Variants in GRIP1 observed in about 807,000 individuals in gnomAD.
The protein encoded by GRIP1 is glutamate receptor-interacting protein 1.
A neutral mutation model predicts 129.9 loss-of-function variants in GRIP1; 45 were observed. The ratio of observed to expected loss-of-function variants is 0.35; its 90% CI spans 0.27 to 0.44. The LOEUF (loss-of-function observed/expected upper bound fraction) is 0.44. Ranked by LOEUF, GRIP1 falls within the 20% of genes least tolerant of loss-of-function variation. The pLI is 1.00. For missense variants in GRIP1, 1,196 were observed against 1,396.8 expected, an observed-to-expected ratio of 0.86 and a Z score of 2.29; for synonymous variants, 530 against 520.8, an observed-to-expected ratio of 1.02 and a Z score of -0.24.
At chr12:66,351,385 C>A (rs955096143) in intron 24 of GRIP1, among the ~76,000 whole-genome samples, 1 of 152,146 alleles carries the variant, frequency 6.6e-6, no homozygotes, top group African/African-American at 2.4e-5. Context: ...TACCTGACCT[C>A]AATGTTACTA....
chr12:66,544,179 T>A (rs1273668896), intron 2 of GRIP1, among the ~76,000 whole-genome samples: 1 of 152,242 alleles, frequency 6.6e-6, no homozygotes, highest in Non-Finnish European at 1.5e-5. Context: ...CTTTTTCAAC[T>A]GATACTTGTC....
intron 1 of GRIP1, among the ~76,000 whole-genome samples, chr12:66,659,816 T>C (rs1384423191): frequency 1.3e-5 from 2 of 152,178 alleles, no homozygotes; most frequent in African/African-American, 2.4e-5. Context: ...CTTGTTGCCA[T>C]GCAATTCTCT....
intron 1 of GRIP1, among the ~76,000 whole-genome samples, chr12:66,909,352 CAG>C (rs556555537): frequency 3.9e-4 from 59 of 152,286 alleles, no homozygotes; most frequent in Middle Eastern, 6.8e-3. Context: ...GCAGGTGGAG[CAG>C]AGAGCTTGGG....
At chr12:66,442,909 A>C (rs1254512816) in intron 13 of GRIP1, among the ~76,000 whole-genome samples, 1 of 152,160 alleles carries the variant, frequency 6.6e-6, no homozygotes, top group East Asian at 1.9e-4. Flanking sequence ...GCTTTTTAAA[A>C]AATATAAGCT....
Position 66,541,881 on chromosome 12 carries a change from G to T in GRIP1, c.206C>A (p.Ser69Ter). 2 of 1,613,736 alleles carry T rather than the reference G, an allele frequency of 1.2e-6. No homozygotes were observed. Among genetic ancestry groups the T allele is most frequent in the Non-Finnish European group, 1.7e-6 (2 of 1,179,692 alleles). Residue 69 changes from serine to a stop codon, truncating the protein, a stop_gained, in exon 3 of 25, where the codon TCG (serine) becomes TAG (stop). Coordinates refer to ENST00000359742, the MANE Select transcript of GRIP1 (RefSeq NM_001366722.1). LOFTEE classifies it high-confidence loss of function. ...CTTGCCATCCTTATCAATTCCTCCC[G>T]ATACCGTCAGACCCAGGGTAGTGCC... The part of the protein sequence containing the change: ...KEGTTLGLTV[S>*]GGIDKDGKPR...
chr12:66,756,563 T>C (rs2037294896), intron 1 of GRIP1, among the ~76,000 whole-genome samples: 1 of 152,206 alleles, frequency 6.6e-6, no homozygotes. Flanking sequence ...AACACCTGGT[T>C]CTCACTTCAT....
In GRIP1 at chr12:66,349,210, G is replaced by A; in HGVS notation, c.3196C>T (p.Leu1066Phe). ...GATTCTGCTATGAGGGGCACAACAA[G>A]GCAGCAGTCAAAGTCTCTGGTTCGG... Reference protein sequence around the residue: ...HVRTRDFDCCLVVPLIAESGN... With the variant: ...HVRTRDFDCCFVVPLIAESGN... Residue 1066 changes from leucine to phenylalanine, a missense_variant, in exon 25 of 25, where the codon CTT becomes TTT. Around this residue, in one of 5 missense-constraint regions of GRIP1, gnomAD observed 427 missense variants for 463.3 expected, o/e 0.92. Transcript: ENST00000359742. 5.0e-6 allele frequency: 8 copies of A among 1,614,060 alleles called. No individual in the cohort carries two copies. The highest frequency in any genetic ancestry group is 1.1e-5 in the South Asian group (1 of 91,086).
At chr12:66,424,817 C>A (rs1223749491) in intron 14 of GRIP1, among the ~76,000 whole-genome samples, 1 of 152,184 alleles carries the variant, frequency 6.6e-6, no homozygotes, top group Non-Finnish European at 1.5e-5. Context: ...AATCTTCTCT[C>A]AATGTGTCAA....
At position 66,476,837 on chromosome 12, in the gene GRIP1, C is replaced by G. The variant is rs148664411; in HGVS notation, c.725-11415G>C. ...TGACAATATTCAACAGCCCTTCATG[C>G]TAAAAACTCTCAACAAATTAGGTAT... On this transcript the variant is annotated intron_variant, in intron 7 of 24. Coordinates refer to ENST00000359742, the MANE Select transcript of GRIP1 (RefSeq NM_001366722.1). 9.6e-3 allele frequency among the ~76,000 whole-genome samples: 1,459 copies of G among 152,262 alleles called. 26 individuals are homozygous for G. The highest frequency in any genetic ancestry group is 0.032 in the African/African-American group (1,345 of 41,554).
intron 1 of GRIP1, among the ~76,000 whole-genome samples, chr12:66,654,755 G>A (rs867029807): frequency 3.9e-5 from 6 of 152,102 alleles, no homozygotes; most frequent in East Asian, 1.9e-4. Context: ...GGATGTCTGC[G>A]CCATTATGTA....
chr12:66,831,250 C>G (rs1592886669), intron 1 of GRIP1, among the ~76,000 whole-genome samples: 1 of 152,138 alleles, frequency 6.6e-6, no homozygotes, highest in Admixed American at 6.6e-5. Context: ...CAATAAGCTG[C>G]TGTTTTAACT....
At chr12:66,523,907 C>T (rs891338655) in intron 5 of GRIP1, among the ~76,000 whole-genome samples, 5 of 152,086 alleles carry the variant, frequency 3.3e-5, no homozygotes, top group African/African-American at 7.2e-5. Context: ...GACTTTAAAC[C>T]AACAAAGATC....
chr12:66,572,830 T>C (rs2063008938), intron 2 of GRIP1, among the ~76,000 whole-genome samples: 1 of 152,154 alleles, frequency 6.6e-6, no homozygotes, highest in African/African-American at 2.4e-5. Flanking sequence ...TTAAAAACTT[T>C]ATATGCAGTA....
intron 19 of GRIP1, among the ~76,000 whole-genome samples, chr12:66,381,553 T>C (rs1382352980): frequency 6.6e-6 from 1 of 152,242 alleles, no homozygotes; most frequent in Non-Finnish European, 1.5e-5. Context: ...CCAATGCTAA[T>C]TGGTGGTGTC....
At chr12:66,453,704 A>C (rs533745842) in intron 11 of GRIP1, among the ~76,000 whole-genome samples, 1 of 152,338 alleles carries the variant, frequency 6.6e-6, no homozygotes, top group African/African-American at 2.4e-5. Flanking sequence ...TCCTATTTTC[A>C]GTCAAGGCAT....
intron 1 of GRIP1, among the ~76,000 whole-genome samples, chr12:66,944,477 T>G (rs948517217): frequency 5.3e-5 from 8 of 151,964 alleles, no homozygotes; most frequent in Non-Finnish European, 8.8e-5. Flanking sequence ...ACAGGGCACT[T>G]TGCTGAACAG....
chr12:67,008,656 C>G (rs1309140435), intron 1 of GRIP1, among the ~76,000 whole-genome samples: 8 of 152,100 alleles, frequency 5.3e-5, no homozygotes, highest in Non-Finnish European at 2.9e-5. Context: ...TCAGGTTTCT[C>G]ACCTGGAAAA....
chr12:66,560,808 T>C (rs2139394926), intron 2 of GRIP1, among the ~76,000 whole-genome samples: 1 of 152,014 alleles, frequency 6.6e-6, no homozygotes, highest in South Asian at 2.1e-4. Flanking sequence ...CAGCAATCCC[T>C]AGCAGCATAT....
chr12:66,787,746 G>A (rs1281258918), intron 1 of GRIP1, among the ~76,000 whole-genome samples: 3 of 152,114 alleles, frequency 2.0e-5, no homozygotes, highest in Non-Finnish European at 4.4e-5. Flanking sequence ...CCAGAACTAT[G>A]AGAAATACAT....
Sources: allele counts gnomAD v4.1 joint callset (sites outside exome capture counted in the v4.1 genomes callset), GRCh38; gene constraint gnomAD v4.1.1; regional missense constraint gnomAD v4.1.1; transcripts MANE v1.5; gene names NCBI Gene and HGNC (gene_info 2026-07-23, HGNC 2026-07-21).